Variants in SNX24 observed in about 807,000 individuals in gnomAD.
SNX24 encodes sorting nexin 24.
Under a neutral mutation model 28.7 loss-of-function variants are expected in SNX24, and 22 were observed. That is an observed-to-expected ratio of 0.77 (90% CI 0.55 to 1.10). The LOEUF (loss-of-function observed/expected upper bound fraction) is 1.10, where lower values mean the gene tolerates loss of function less well. Ranked by LOEUF, SNX24 falls within the 50% of genes least tolerant of loss-of-function variation. SNX24 has a pLI of 0.00. For synonymous variants in SNX24, 69 were observed against 71.5 expected (o/e 0.96, Z 0.18); for missense variants, 221 against 201.1 (o/e 1.10, Z -0.60).
chr5:123,005,210 G>T (rs755832518), intron 6 of SNX24, among the ~76,000 whole-genome samples: 17 of 152,112 alleles, frequency 1.1e-4, no homozygotes, highest in Non-Finnish European at 1.9e-4. Flanking sequence ...AATGGTCACA[G>T]ACTATCTTAT....
At chr5:122,918,179 T>C (rs1677406792) in intron 1 of SNX24, among the ~76,000 whole-genome samples, 1 of 152,134 alleles carries the variant, frequency 6.6e-6, no homozygotes, top group African/African-American at 2.4e-5. Flanking sequence ...GAGGCCCAAG[T>C]GGGCAGATCA....
intron 3 of SNX24, chr5:122,948,587 G>A (rs1262487148): frequency 1.3e-5 from 2 of 152,230 alleles, no homozygotes. Context: ...CTCTTGAGGG[G>A]GTCAGAGAAA....
chr5:122,927,841 G>A (rs1351682148), intron 1 of SNX24, among the ~76,000 whole-genome samples: 2 of 152,052 alleles, frequency 1.3e-5, no homozygotes, highest in Admixed American at 6.5e-5. Flanking sequence ...GCATCTCCAC[G>A]TCATGTCTAA....
At chr5:122,969,610 A>G (rs1760868253) in intron 3 of SNX24, among the ~76,000 whole-genome samples, 2 of 151,982 alleles carry the variant, frequency 1.3e-5, no homozygotes, top group Non-Finnish European at 2.9e-5. Context: ...ATAAATTGAC[A>G]TTTCTTTTTT....
chr5:122,889,661 GTGTATATATA>G (rs1756870235), intron 1 of SNX24, among the ~76,000 whole-genome samples: 1 of 143,034 alleles, frequency 7.0e-6, no homozygotes, highest in Non-Finnish European at 1.5e-5. Context: ...GTATATATAT[GTGTATATATA>G]TATGTGTATA....
chr5:122,920,626 C>T (rs1758391509), intron 1 of SNX24, among the ~76,000 whole-genome samples: 1 of 152,166 alleles, frequency 6.6e-6, no homozygotes, highest in South Asian at 2.1e-4. Flanking sequence ...AGAAAACAAT[C>T]TGGTCAACCC....
intron 3 of SNX24, among the ~76,000 whole-genome samples, chr5:122,985,842 C>T (rs1174657305): frequency 2.0e-5 from 3 of 152,202 alleles, no homozygotes. Flanking sequence ...TCTGGAACAA[C>T]CCTCATGCGT....
chr5:123,024,304 T>C (rs1308722209), intron 5 of SNX24, among the ~76,000 whole-genome samples: 2 of 152,224 alleles, frequency 1.3e-5, no homozygotes, highest in African/African-American at 4.8e-5. Context: ...AAGTAGATAT[T>C]TTTGTAAACA....
chr5:122,918,209 T>C (rs770991745), intron 1 of SNX24, among the ~76,000 whole-genome samples: 10 of 152,054 alleles, frequency 6.6e-5, no homozygotes, highest in South Asian at 2.1e-4. Context: ...AGGAGTCATA[T>C]TGGGGTTAGA....
At chr5:122,986,335 G>A (rs1761602577) in intron 3 of SNX24, among the ~76,000 whole-genome samples, 3 of 152,172 alleles carry the variant, frequency 2.0e-5, no homozygotes, top group South Asian at 2.1e-4. Flanking sequence ...TCAGCCTTAA[G>A]GTTTTAAAAT....
chr5:122,910,205 G>A (rs144231221), intron 1 of SNX24, among the ~76,000 whole-genome samples: 1 of 152,178 alleles, frequency 6.6e-6, no homozygotes, highest in Non-Finnish European at 1.5e-5. Context: ...GGTGTTCAGG[G>A]TTTGTATGCT....
chr5:123,000,056 T>TTGGTCATTGAAGA, intron 4 of SNX24, 50 bp downstream of exon 4: 1 of 1,203,796 alleles, frequency 8.3e-7, no homozygotes, highest in Non-Finnish European at 1.2e-6. Context: ...TACTCTTCAA[T>TTGGTCATTGAAGA]GACCAATTGA....
At chr5:122,854,397 A>G (rs1041355782) in intron 1 of SNX24, among the ~76,000 whole-genome samples, 8 of 151,896 alleles carry the variant, frequency 5.3e-5, no homozygotes, top group Admixed American at 5.3e-4. Flanking sequence ...AGTCCCAGCT[A>G]CTTGGGAGGC....
At chr5:122,995,509 G>A (rs1170938934) in intron 3 of SNX24, among the ~76,000 whole-genome samples, 1 of 152,112 alleles carries the variant, frequency 6.6e-6, no homozygotes, top group Non-Finnish European at 1.5e-5. Flanking sequence ...CTTAAGTGGG[G>A]TGAGAGAACT....
chr5:122,993,349 G>A (rs1841992), intron 3 of SNX24, among the ~76,000 whole-genome samples: 121,806 of 147,406 alleles, frequency 0.83, 50,805 homozygotes, highest in Non-Finnish European at 0.86. Context: ...CCCAGGCTGG[G>A]GTGCAGTGGC....
intron 1 of SNX24, among the ~76,000 whole-genome samples, chr5:122,859,257 GC>G (rs1755343025): frequency 6.6e-6 from 1 of 151,898 alleles, no homozygotes; most frequent in Non-Finnish European, 1.5e-5. Context: ...GCAGACTTGA[GC>G]CCAGGAGTTG....
In SNX24 at chr5:122,980,765, T is replaced by C. The variant is rs548775499; in HGVS notation, c.250-19147T>C. Among the ~76,000 whole-genome samples, 12 of 151,350 alleles carry C rather than the reference T, an allele frequency of 7.9e-5. No individual in the cohort carries two copies. The South Asian group carries it at 2.5e-3, about 32-fold the overall frequency. ...CCTACTCCATGCTTTGCCCCTGAAATATGAGCTTTCATTTCCAAGGTGGGA... is the reference window on the plus strand; with the variant it reads ...CCTACTCCATGCTTTGCCCCTGAAACATGAGCTTTCATTTCCAAGGTGGGA... On this transcript the variant is annotated intron_variant, in intron 3 of 6. Coordinates refer to ENST00000261369, the MANE Select transcript of SNX24 (RefSeq NM_014035.4).
chr5:122,872,983 T>G (rs1441676185), intron 1 of SNX24, among the ~76,000 whole-genome samples: 1 of 152,168 alleles, frequency 6.6e-6, no homozygotes, highest in Admixed American at 6.5e-5. Flanking sequence ...TTTTTGGTTT[T>G]TGAGACAGGG....
At chr5:122,989,025 A>G (rs1041318628) in intron 3 of SNX24, among the ~76,000 whole-genome samples, 5 of 152,184 alleles carry the variant, frequency 3.3e-5, no homozygotes, top group Admixed American at 2.6e-4. Flanking sequence ...AAAATAGAAT[A>G]TCAGAATTTC....
Sources: allele counts gnomAD v4.1 joint callset (sites outside exome capture counted in the v4.1 genomes callset), GRCh38; gene constraint gnomAD v4.1.1; transcripts MANE v1.5; gene names NCBI Gene and HGNC (gene_info 2026-07-23, HGNC 2026-07-21).